ZNF362: variants seen among roughly 807,000 people sequenced by gnomAD.
ZNF362 encodes rotund homolog.
ZNF362 carries 11 observed loss-of-function variants against 42.9 expected under a neutral mutation model. The ratio of observed to expected loss-of-function variants is 0.26; its 90% CI spans 0.16 to 0.42. The LOEUF (loss-of-function observed/expected upper bound fraction) is 0.42. Ranked by LOEUF, ZNF362 falls within the 20% of genes least tolerant of loss-of-function variation. The pLI is 1.00. For synonymous variants in ZNF362, 255 were observed against 257.3 expected, an observed-to-expected ratio of 0.99 and a Z score of 0.09; for missense variants, 362 against 576.2, an observed-to-expected ratio of 0.63 and a Z score of 3.81.
At chr1:33,275,360 C>T (rs1156633078) in intron 2 of ZNF362, 1 of 985,436 alleles carries the variant, frequency 1.0e-6, no homozygotes. Flanking sequence ...TTGTCACACA[C>T]TTTTACCAAA....
chr1:33,270,757 C>T (rs1645897022), intron 2 of ZNF362, 145 bp downstream of exon 2: 1 of 1,421,512 alleles, frequency 7.0e-7, no homozygotes, highest in African/African-American at 1.4e-5. Context: ...TGCTTACCCT[C>T]CTGTAGCGGC....
At chr1:33,255,887 C>T (rs1292431862), upstream of ZNF362, among the ~76,000 whole-genome samples, 1 of 152,048 alleles carries the variant, frequency 6.6e-6, no homozygotes, top group African/African-American at 2.4e-5. Context: ...CAGCCTGGCA[C>T]CGCGCGGGCT....
intron 7 of ZNF362, 55 bp downstream of exon 7, chr1:33,295,070 C>T (rs2148138288): frequency 1.2e-6 from 2 of 1,612,534 alleles, no homozygotes; most frequent in East Asian, 2.2e-5. Context: ...CCCCACCCAC[C>T]CCCACAAGGA....
chr1:33,294,112 GCATGGGTA>G lies in ZNF362; in HGVS notation c.909-823_909-816del, dbSNP rs1646099592. 3.9e-5 allele frequency among the ~76,000 whole-genome samples: 6 copies of G among 152,340 alleles called. No homozygotes were observed. The South Asian group carries it at 1.2e-3, about 32-fold the overall frequency. On this transcript the variant is annotated intron_variant, in intron 6 of 8. Coordinates refer to ENST00000539719, the MANE Select transcript of ZNF362 (RefSeq NM_152493.3). This position sits in a 1 kb window ranked among gnomAD's most constrained non-coding sequence, Gnocchi z 4.2. The stretch of plus-strand genomic sequence containing the variant: ...CCAAATACCTAGCACAGTGCCTGGG[GCATGGGTA>G]CCCAATGTAATGAATGTGAATGAAT...
chr1:33,232,935 A>C, the ZNF362 span, among the ~76,000 whole-genome samples: 2 of 152,220 alleles, frequency 1.3e-5, no homozygotes, highest in Non-Finnish European at 2.9e-5. Flanking sequence ...CTACAAATGC[A>C]TCATCTCATT....
chr1:33,201,023 A>C, the ZNF362 span, among the ~76,000 whole-genome samples: 1 of 152,198 alleles, frequency 6.6e-6, no homozygotes, highest in Non-Finnish European at 1.5e-5. Context: ...CCCTGCTGAA[A>C]TCTTAATCTT....
chr1:33,245,873 A>AG, the ZNF362 span, among the ~76,000 whole-genome samples: 1 of 152,174 alleles, frequency 6.6e-6, no homozygotes, highest in Non-Finnish European at 1.5e-5. Flanking sequence ...CCAAGAGATC[A>AG]AGGCTGCAGT....
At chr1:33,291,216 T>C (rs2148131548) in intron 6 of ZNF362, among the ~76,000 whole-genome samples, 1 of 152,230 alleles carries the variant, frequency 6.6e-6, no homozygotes, top group Admixed American at 6.5e-5. Context: ...TTTAAGTCTT[T>C]AATCCATCTT....
At chr1:33,173,085 T>G in the ZNF362 span, among the ~76,000 whole-genome samples, 1 of 152,160 alleles carries the variant, frequency 6.6e-6, no homozygotes, top group Admixed American at 6.5e-5. Context: ...AACTTGAACT[T>G]GCCTCTCCCT....
At chr1:33,258,542 A>G (rs2148058135) in intron 1 of ZNF362, among the ~76,000 whole-genome samples, 1 of 152,192 alleles carries the variant, frequency 6.6e-6, no homozygotes, top group African/African-American at 2.4e-5. Context: ...TGAGGTCCAG[A>G]GAGAGGAAGT....
At chr1:33,179,563 C>T in the ZNF362 span, among the ~76,000 whole-genome samples, 138 of 152,208 alleles carry the variant, frequency 9.1e-4, no homozygotes, top group Non-Finnish European at 1.8e-3. Context: ...AAACCTTCTG[C>T]TTCCAAACGC....
At chr1:33,150,405 G>C in the ZNF362 span, among the ~76,000 whole-genome samples, 1 of 152,230 alleles carries the variant, frequency 6.6e-6, no homozygotes, top group Non-Finnish European at 1.5e-5. Context: ...CTGTGCCTCT[G>C]TTCATATACC....
chr1:33,219,269 A>G, the ZNF362 span, among the ~76,000 whole-genome samples: 3 of 152,200 alleles, frequency 2.0e-5, no homozygotes, highest in African/African-American at 7.2e-5. Context: ...TGATGACGGT[A>G]AAGTGTACGG....
At chr1:33,219,402 A>G in the ZNF362 span, among the ~76,000 whole-genome samples, 3 of 152,244 alleles carry the variant, frequency 2.0e-5, no homozygotes, top group Admixed American at 6.5e-5. Flanking sequence ...GCCTGCCCAC[A>G]TGTTTGATTA....
chr1:33,189,634 C>CATATATAT, the ZNF362 span, among the ~76,000 whole-genome samples: 514 of 54,454 alleles, frequency 9.4e-3, 4 homozygotes, highest in Middle Eastern at 0.018. Context: ...CACATTCCAG[C>CATATATAT]ATATATATAT....
At chr1:33,190,905 C>T in the ZNF362 span, among the ~76,000 whole-genome samples, 339 of 152,298 alleles carry the variant, frequency 2.2e-3, 5 homozygotes, top group East Asian at 0.052. Context: ...ACCCTAGCAA[C>T]GCTTCTTCAC....
intron 2 of ZNF362, among the ~76,000 whole-genome samples, chr1:33,275,667 G>C (rs1180259468): frequency 2.6e-5 from 4 of 152,196 alleles, no homozygotes; most frequent in African/African-American, 9.7e-5. Context: ...CAGAAGAGCA[G>C]GGATCAGGGA....
chr1:33,153,939 C>T, the ZNF362 span, among the ~76,000 whole-genome samples: 1 of 152,216 alleles, frequency 6.6e-6, no homozygotes, highest in Admixed American at 6.5e-5. Context: ...GACAGCCACA[C>T]AGACAATGAC....
chr1:33,136,362 GTCTT>G, the ZNF362 span, among the ~76,000 whole-genome samples: 8 of 99,688 alleles, frequency 8.0e-5, no homozygotes, highest in East Asian at 1.3e-3. Flanking sequence ...CTCTCTCTCT[GTCTT>G]TCTTTCTTTC....
Sources: gnomAD v4.1 joint callset for allele counts (sites outside exome capture counted in the v4.1 genomes callset) on GRCh38, gnomAD v4.1.1 for gene constraint, Gnocchi (gnomAD v3.1) non-coding constraint, MANE v1.5 for transcripts, NCBI Gene and HGNC (gene_info 2026-07-23, HGNC 2026-07-21) for gene names.